The following MAGI2 variants were observed in gnomAD, a reference collection of about 807,000 sequenced individuals.
MAGI2 encodes membrane-associated guanylate kinase, WW and PDZ domain-containing protein 2.
Under a neutral mutation model 133.3 loss-of-function variants are expected in MAGI2, and 35 were observed. That is an observed-to-expected ratio of 0.26 (90% CI 0.20 to 0.35). The LOEUF is 0.35. MAGI2 is among the 10% of genes least tolerant of loss of function. MAGI2 has a pLI of 1.00. For missense variants in MAGI2, 1,636 were observed against 1,863.4 expected (o/e 0.88, Z 2.25); for synonymous variants, 729 against 710.6 (o/e 1.03, Z -0.41).
intron 2 of MAGI2, among the ~76,000 whole-genome samples, chr7:78,909,578 G>A (rs1326620701): frequency 7.0e-6 from 1 of 142,204 alleles, no homozygotes; most frequent in African/African-American, 2.6e-5. Context: ...ACTCCAGCCT[G>A]GGCTACAGAG....
intron 1 of MAGI2, among the ~76,000 whole-genome samples, chr7:79,094,095 G>A (rs1017698504): frequency 2.6e-5 from 4 of 152,194 alleles, no homozygotes; most frequent in Non-Finnish European, 5.9e-5. Context: ...AGCATGTGAT[G>A]AAATTTGATA....
intron 3 of MAGI2, among the ~76,000 whole-genome samples, chr7:78,595,104 C>G (rs1804456597): frequency 6.6e-6 from 1 of 152,080 alleles, no homozygotes; most frequent in Non-Finnish European, 1.5e-5. Context: ...CCAAGTTCAT[C>G]TGCATCTAGT....
At chr7:78,731,006 A>G (rs1821319272) in intron 2 of MAGI2, among the ~76,000 whole-genome samples, 1 of 152,036 alleles carries the variant, frequency 6.6e-6, no homozygotes, top group African/African-American at 2.4e-5. Context: ...AAATTTTCAC[A>G]AGGCCAACTT....
intron 2 of MAGI2, among the ~76,000 whole-genome samples, chr7:78,748,160 A>T (rs1317716250): frequency 2.3e-4 from 4 of 17,168 alleles, no homozygotes; most frequent in East Asian, 1.1e-3. Flanking sequence ...TGAGGATTTA[A>T]AAAAAAAAAA....
chr7:79,436,289 A>G (rs1428987063), intron 1 of MAGI2, among the ~76,000 whole-genome samples: 1 of 151,802 alleles, frequency 6.6e-6, no homozygotes. Flanking sequence ...ATGAGCCTTG[A>G]CAAATAATTT....
chr7:79,169,736 A>T (rs902990982), intron 1 of MAGI2, among the ~76,000 whole-genome samples: 2 of 152,146 alleles, frequency 1.3e-5, no homozygotes, highest in African/African-American at 4.8e-5. Flanking sequence ...ACTTACAATT[A>T]AATTTTCTAA....
At chr7:78,155,540 G>A (rs1477116256) in intron 16 of MAGI2, among the ~76,000 whole-genome samples, 1 of 152,162 alleles carries the variant, frequency 6.6e-6, no homozygotes, top group Non-Finnish European at 1.5e-5. Context: ...CTTGAACCCA[G>A]GAGGTGAAGG....
intron 1 of MAGI2, among the ~76,000 whole-genome samples, chr7:79,138,698 G>GT (rs760259007): frequency 2.6e-5 from 4 of 152,064 alleles, no homozygotes; most frequent in Non-Finnish European, 5.9e-5. Flanking sequence ...AATATGACTG[G>GT]TGTAGTTATA....
intron 2 of MAGI2, among the ~76,000 whole-genome samples, chr7:78,806,836 C>T (rs1334153924): frequency 6.7e-6 from 1 of 149,660 alleles, no homozygotes; most frequent in Non-Finnish European, 1.5e-5. Context: ...CCACTGAAAT[C>T]CAGCCTGGGC....
At chr7:78,945,062 A>C in intron 2 of MAGI2, among the ~76,000 whole-genome samples, 1 of 151,772 alleles carries the variant, frequency 6.6e-6, no homozygotes, top group Non-Finnish European at 1.5e-5. Flanking sequence ...AAATTAATTA[A>C]TTATTTTTTT....
At position 78,297,004 on chromosome 7, in the gene MAGI2, T is replaced by A. The variant is rs1308148058; in HGVS notation, c.1409-40423A>T. Reference sequence around the variant, plus strand: ...CACTATGAAACTAGGGCTACTTCCTTAATCTCTCTAAGCCTTTGTTTTCTC... The same window carrying A: ...CACTATGAAACTAGGGCTACTTCCTAAATCTCTCTAAGCCTTTGTTTTCTC... On this transcript the variant is annotated intron_variant, in intron 9 of 21. Transcript: ENST00000354212. Among the ~76,000 whole-genome samples, 5 of 152,220 alleles carry A rather than the reference T, an allele frequency of 3.3e-5. No individual in the cohort carries two copies. In the South Asian group the frequency reaches 8.3e-4, roughly 25 times the overall value.
intron 13 of MAGI2, among the ~76,000 whole-genome samples, chr7:78,181,619 C>T (rs1050638528): frequency 1.3e-5 from 2 of 152,150 alleles, no homozygotes; most frequent in African/African-American, 4.8e-5. Context: ...GATCCTCAGG[C>T]ATTATGGAAC....
chr7:79,318,217 C>T (rs1838893060), intron 1 of MAGI2, among the ~76,000 whole-genome samples: 2 of 152,104 alleles, frequency 1.3e-5, no homozygotes, highest in Non-Finnish European at 2.9e-5. Context: ...GCCAAAAGTT[C>T]ATTTGGATAC....
At chr7:78,585,792 T>C (rs937920919) in intron 3 of MAGI2, among the ~76,000 whole-genome samples, 3 of 152,124 alleles carry the variant, frequency 2.0e-5, no homozygotes, top group Non-Finnish European at 2.9e-5. Flanking sequence ...TGGGAATACA[T>C]GAAAGGGAAC....
At chr7:78,805,406 A>G (rs566400299) in intron 2 of MAGI2, among the ~76,000 whole-genome samples, 9 of 152,250 alleles carry the variant, frequency 5.9e-5, no homozygotes, top group South Asian at 2.1e-4. Flanking sequence ...ACCTCAATAA[A>G]AGATATGAGG....
chr7:78,726,008 A>C (rs1240445753), intron 2 of MAGI2, among the ~76,000 whole-genome samples: 1 of 152,172 alleles, frequency 6.6e-6, no homozygotes, highest in Admixed American at 6.5e-5. Context: ...AAAAATGTTA[A>C]ATTGAATGTT....
intron 2 of MAGI2, among the ~76,000 whole-genome samples, chr7:78,759,501 T>C (rs1262783573): frequency 6.6e-6 from 1 of 152,150 alleles, no homozygotes; most frequent in Non-Finnish European, 1.5e-5. Flanking sequence ...AAGGAGAATT[T>C]TTAAAAGTTA....
At chr7:79,186,606 T>C (rs1036410505) in intron 1 of MAGI2, among the ~76,000 whole-genome samples, 1 of 147,772 alleles carries the variant, frequency 6.8e-6, no homozygotes, top group South Asian at 2.1e-4. Context: ...AGAATTGAGA[T>C]ACAGGAGACC....
intron 2 of MAGI2, among the ~76,000 whole-genome samples, chr7:78,823,427 C>A (rs1318081683): frequency 6.6e-6 from 1 of 151,706 alleles, no homozygotes; most frequent in Non-Finnish European, 1.5e-5. Flanking sequence ...ACTAAAAATA[C>A]AAAAAATTAG....
Sources: gnomAD v4.1 joint callset for allele counts (sites outside exome capture counted in the v4.1 genomes callset) on GRCh38, gnomAD v4.1.1 for gene constraint, MANE v1.5 for transcripts, NCBI Gene and HGNC (gene_info 2026-07-23, HGNC 2026-07-21) for gene names.